LY96: variants seen among roughly 807,000 people sequenced by gnomAD.
LY96 encodes lymphocyte antigen 96.
In LY96, 18 loss-of-function variants were observed where a neutral mutation model predicts 18.9. The ratio of observed to expected loss-of-function variants is 0.95; its 90% CI spans 0.66 to 1.41. The LOEUF (loss-of-function observed/expected upper bound fraction) is 1.41, where lower values mean the gene tolerates loss of function less well. Among genes scored for constraint, LY96 ranks in the 40% most tolerant of loss-of-function variants. LY96 has a pLI of 0.00. For missense variants in LY96, 175 were observed against 182.4 expected, an observed-to-expected ratio of 0.96 and a Z score of 0.23; for synonymous variants, 66 against 62.6, an observed-to-expected ratio of 1.06 and a Z score of -0.26.
Position 74,017,379 on chromosome 8 carries a change from G to A in LY96, c.331+7250G>A, listed in dbSNP as rs116474399. ...AAAAGAGTAGTAAGAAATGAACAAA[G>A]CCTCCAAGAAACATGATACTATGTG... On this transcript the variant is annotated intron_variant, in intron 3 of 4. Transcript: ENST00000284818. 7.5e-3 allele frequency among the ~76,000 whole-genome samples: 1,136 copies of A among 152,282 alleles called. 12 individuals are homozygous for A. The highest frequency in any genetic ancestry group is 0.026 in the African/African-American group (1,075 of 41,560).
the LY96 span, among the ~76,000 whole-genome samples, chr8:74,066,737 C>CA: frequency 6.6e-6 from 1 of 152,186 alleles, no homozygotes; most frequent in African/African-American, 2.4e-5. Flanking sequence ...GGACCCAAGG[C>CA]AAGAGACTGG....
chr8:74,017,322 G>A (rs555853996), intron 3 of LY96, among the ~76,000 whole-genome samples: 11 of 152,248 alleles, frequency 7.2e-5, no homozygotes, highest in Non-Finnish European at 1.3e-4. Context: ...GATCAAATTA[G>A]TGAAATGAAG....
At chr8:74,075,092 T>A in the LY96 span, among the ~76,000 whole-genome samples, 1 of 152,250 alleles carries the variant, frequency 6.6e-6, no homozygotes, top group South Asian at 2.1e-4. Context: ...CGTTGAAGTC[T>A]ACAGCTATTA....
At chr8:74,040,202 CTAA>C in the LY96 span, among the ~76,000 whole-genome samples, 2 of 152,202 alleles carry the variant, frequency 1.3e-5, no homozygotes, top group African/African-American at 2.4e-5. Context: ...AATGATTATA[CTAA>C]TGATTGATAA....
At chr8:74,079,203 G>C in the LY96 span, among the ~76,000 whole-genome samples, 41 of 152,254 alleles carry the variant, frequency 2.7e-4, no homozygotes, top group Non-Finnish European at 4.7e-4. Context: ...CTGCCCTTGG[G>C]CAACAGCACT....
chr8:74,044,250 T>C, the LY96 span, among the ~76,000 whole-genome samples: 1 of 151,944 alleles, frequency 6.6e-6, no homozygotes, highest in East Asian at 1.9e-4. Flanking sequence ...GGCACAATTA[T>C]ATCTCACTGT....
intron 2 of LY96, among the ~76,000 whole-genome samples, chr8:74,007,905 G>A (rs949491213): frequency 2.0e-5 from 3 of 152,098 alleles, no homozygotes; most frequent in African/African-American, 2.4e-5. Context: ...GATTACAGGC[G>A]CCTGCCACTG....
the LY96 span, among the ~76,000 whole-genome samples, chr8:74,069,846 C>T: frequency 2.1e-4 from 32 of 152,338 alleles, no homozygotes; most frequent in East Asian, 6.0e-3. Context: ...AGGTGATCCT[C>T]CTGCCTTGGC....
At chr8:73,999,035 A>T (rs981718462) in intron 1 of LY96, among the ~76,000 whole-genome samples, 1 of 151,222 alleles carries the variant, frequency 6.6e-6, no homozygotes, top group Admixed American at 6.6e-5. Flanking sequence ...CAGTGGCATG[A>T]TCTCAGCTCA....
At chr8:73,993,493 A>G (rs1195222340) in intron 1 of LY96, among the ~76,000 whole-genome samples, 2 of 151,890 alleles carry the variant, frequency 1.3e-5, no homozygotes, top group African/African-American at 4.8e-5. Flanking sequence ...CCCAGGCTGG[A>G]GTGCAATGGC....
At chr8:74,071,972 T>C in the LY96 span, among the ~76,000 whole-genome samples, 5 of 152,174 alleles carry the variant, frequency 3.3e-5, no homozygotes, top group African/African-American at 9.7e-5. Flanking sequence ...ACATTGCTAA[T>C]GGTCTTGTAT....
At chr8:74,052,443 C>A in the LY96 span, 1 of 152,170 alleles carries the variant, frequency 6.6e-6, no homozygotes, top group East Asian at 1.9e-4. Context: ...TAATATAGAC[C>A]TACTTTTCTT....
intron 3 of LY96, among the ~76,000 whole-genome samples, chr8:74,018,708 A>G (rs1408818509): frequency 2.0e-5 from 3 of 152,236 alleles, no homozygotes; most frequent in African/African-American, 7.2e-5. Context: ...AAGAACAGAA[A>G]TCACAACAAA....
chr8:74,096,952 A>G, the LY96 span, among the ~76,000 whole-genome samples: 1 of 152,202 alleles, frequency 6.6e-6, no homozygotes, highest in African/African-American at 2.4e-5. Flanking sequence ...AAGAGAGCAG[A>G]CCTTTCCTGC....
chr8:74,093,181 C>T, the LY96 span, among the ~76,000 whole-genome samples: 24 of 152,272 alleles, frequency 1.6e-4, no homozygotes, highest in African/African-American at 5.3e-4. Context: ...TTCTGCAAGC[C>T]GAGCTCAAAT....
the LY96 span, among the ~76,000 whole-genome samples, chr8:74,041,432 A>T: frequency 6.6e-6 from 1 of 152,230 alleles, no homozygotes; most frequent in South Asian, 2.1e-4. Context: ...AGGGAAGACA[A>T]CCATAAGGTC....
the LY96 span, among the ~76,000 whole-genome samples, chr8:74,049,056 C>T: frequency 3.9e-5 from 6 of 152,020 alleles, no homozygotes; most frequent in African/African-American, 1.5e-4. Context: ...CCTAGTGGTC[C>T]CTGGAGCAGA....
chr8:74,008,052 G>A lies in LY96; in HGVS notation c.203-1949G>A, dbSNP rs544232668. Among the ~76,000 whole-genome samples, 6 of 152,268 alleles carry A rather than the reference G, an allele frequency of 3.9e-5. No homozygotes were observed. The East Asian group carries it at 7.7e-4, about 20-fold the overall frequency. ...TAGGATTACAGGCGTGAGCCACCGC[G>A]CCCAGCCCATGTTTCTTGTCTCTCA... On this transcript the variant is annotated intron_variant, in intron 2 of 4. Transcript: ENST00000284818.
the LY96 span, among the ~76,000 whole-genome samples, chr8:74,043,137 G>A: frequency 9.4e-3 from 1,439 of 152,296 alleles, 19 homozygotes; most frequent in African/African-American, 0.029. Context: ...CCACATCCCT[G>A]TCATTCACCA....
Sources: gnomAD v4.1 joint callset for allele counts (sites outside exome capture counted in the v4.1 genomes callset) on GRCh38, gnomAD v4.1.1 for gene constraint, MANE v1.5 for transcripts, NCBI Gene and HGNC (gene_info 2026-07-23, HGNC 2026-07-21) for gene names.